GLS: variants seen among roughly 807,000 people sequenced by gnomAD.
The protein encoded by GLS is glutaminase kidney isoform, mitochondrial.
Under a neutral mutation model 86.7 loss-of-function variants are expected in GLS, and 36 were observed. That is an observed-to-expected ratio of 0.42 (90% CI 0.32 to 0.55). The LOEUF (loss-of-function observed/expected upper bound fraction) is 0.55, where lower values mean the gene tolerates loss of function less well. Ranked by LOEUF, GLS falls within the 20% of genes least tolerant of loss-of-function variation. The pLI is 0.17. For synonymous variants in GLS, 317 were observed against 305.9 expected, an observed-to-expected ratio of 1.04 and a Z score of -0.38; for missense variants, 528 against 833.4, an observed-to-expected ratio of 0.63 and a Z score of 4.51.
chr2:190,917,924 A>G (rs1001213288), intron 7 of GLS, among the ~76,000 whole-genome samples: 10 of 152,100 alleles, frequency 6.6e-5, no homozygotes, highest in African/African-American at 2.4e-4. Flanking sequence ...TCCCATCTCT[A>G]TTAAAAAACA....
chr2:190,890,136 G>T (rs111953927), intron 1 of GLS, among the ~76,000 whole-genome samples: 2,347 of 151,410 alleles, frequency 0.016, 61 homozygotes, highest in African/African-American at 0.052. Context: ...TGCTTGACTT[G>T]GATACTCTTA....
rs1266521442 is a variant in GLS at position 190,947,193 on chromosome 2, G to A, written c.1651-6372G>A. On this transcript the variant is annotated intron_variant, in intron 14 of 17. Transcript: ENST00000320717. The surrounding 1 kb of genome is among the most constrained non-coding windows in gnomAD (Gnocchi z 5.0). ...CAACCTTTAAACAAGCTCAAACTGA[G>A]TAGGATAATGATAGGATTAAAGACT... Among the ~76,000 whole-genome samples the A allele has an allele frequency of 6.6e-6, 1 of 152,176 alleles. No homozygotes were observed.
At chr2:190,960,888 GAC>G (rs1232503375) in intron 17 of GLS, among the ~76,000 whole-genome samples, 3 of 152,158 alleles carry the variant, frequency 2.0e-5, no homozygotes, top group Non-Finnish European at 4.4e-5. Context: ...ATGTTAGGTT[GAC>G]AGTCTTCTTC....
chr2:190,939,373 G>A (rs1690363030), intron 14 of GLS, among the ~76,000 whole-genome samples: 1 of 151,598 alleles, frequency 6.6e-6, no homozygotes, highest in Admixed American at 6.6e-5. Context: ...AAATATTATA[G>A]TATTGGTTTC....
intron 7 of GLS, among the ~76,000 whole-genome samples, chr2:190,912,344 T>C (rs1574585876): frequency 8.0e-6 from 1 of 124,980 alleles, no homozygotes; most frequent in South Asian, 2.9e-4. Flanking sequence ...GTTTCACAAG[T>C]GCTTTTTTTT....
intron 1 of GLS, among the ~76,000 whole-genome samples, chr2:190,884,767 C>A (rs1325953405): frequency 1.3e-5 from 2 of 152,168 alleles, no homozygotes; most frequent in Non-Finnish European, 2.9e-5. Flanking sequence ...ATAGATAATT[C>A]ATACAGGATG....
Position 190,881,458 on chromosome 2 carries a change from C to A in GLS, c.374C>A (p.Ala125Asp), listed in dbSNP as rs1217856984. Residue 125 changes from alanine to aspartate, a missense_variant, in exon 1 of 18, where the codon GCC (alanine) becomes GAC (aspartate). By Grantham distance (126) the Ala-to-Asp change is moderately radical. Around this residue, in one of 4 missense-constraint regions of GLS, gnomAD observed 224 missense variants for 187.9 expected, o/e 1.19. Transcript: ENST00000320717. The stretch of plus-strand genomic sequence containing the variant: ...AACAGCGAGGGCAAAGAGCTGGTGG[C>A]CTCAGGTGAAAAGTGAGTGTCTCCG... ...FGNSEGKELV[A>D]SGENKIKQGL... 6.5e-7 allele frequency: 1 copy of A among 1,541,490 alleles called. No homozygotes were observed. Among genetic ancestry groups the A allele is most frequent in the Non-Finnish European group, 8.7e-7 (1 of 1,143,062 alleles).
In GLS at chr2:190,880,871, GC is replaced by G; in HGVS notation, c.-213del. 2 of 704,438 alleles carry G rather than the reference GC, an allele frequency of 2.8e-6. No homozygotes were observed. The highest frequency in any genetic ancestry group is 1.6e-5 in the South Asian group (1 of 64,148). 43.6% of individuals were successfully genotyped at this position (704,438 alleles called of 1,614,324 possible). A position where few individuals can be genotyped will look rare whatever the true frequency, so the allele number is the denominator to read the frequency against. The stretch of plus-strand genomic sequence containing the variant: ...GAGAACCGGTCGCGGCAATCCTAGC[GC>G]GCAGCAGCAGCAGCAGCAGCAGCAG... On this transcript the variant is annotated 5_prime_UTR_variant, in exon 1 of 18. Coordinates refer to ENST00000320717, the MANE Select transcript of GLS (RefSeq NM_014905.5).
At chr2:190,927,862 T>C (rs73979305) in intron 12 of GLS, 3,905 of 160,254 alleles carry the variant, frequency 0.024, 168 homozygotes, top group African/African-American at 0.09. Flanking sequence ...CATAGCTGTT[T>C]TAAGGACTAA....
chr2:190,881,801 C>T (rs962715427), intron 1 of GLS: 11 of 238,020 alleles, frequency 4.6e-5, no homozygotes, highest in Non-Finnish European at 9.0e-5. Context: ...GCTCAGCTCC[C>T]TGGCTTGCGG....
At chr2:190,934,699 C>T in intron 14 of GLS, 1 of 970,450 alleles carries the variant, frequency 1.0e-6, no homozygotes. Flanking sequence ...ATATCGTATA[C>T]ATAGCTGTAT....
chr2:190,913,684 G>C lies in GLS; in HGVS notation c.1038+3363G>C. 1.0e-6 allele frequency: 1 copy of C among 971,830 alleles called. No individual in the cohort carries two copies. Among genetic ancestry groups the C allele is most frequent in the African/African-American group, 1.8e-5 (1 of 56,946 alleles). 60.2% of individuals were successfully genotyped at this position (971,830 alleles called of 1,614,324 possible). A position where few individuals can be genotyped will look rare whatever the true frequency, so the allele number is the denominator to read the frequency against. ...AGTTAAGATCTGGTGATAACTTAAG[G>C]GTTAGGATAGGAAAATGAGGACAAC... is the stretch of plus-strand genomic sequence containing the variant. On this transcript the variant is annotated intron_variant, in intron 7 of 17. Transcript: ENST00000320717. This position sits in a 1 kb window ranked among gnomAD's most constrained non-coding sequence, Gnocchi z 6.1.
intron 17 of GLS, among the ~76,000 whole-genome samples, chr2:190,958,049 G>C (rs777323182): frequency 6.6e-6 from 1 of 151,998 alleles, no homozygotes; most frequent in South Asian, 2.1e-4. Flanking sequence ...GACTTTTTTC[G>C]GTTGGTAGGC....
At chr2:190,926,432 C>A (rs1178529744) in intron 11 of GLS, among the ~76,000 whole-genome samples, 2 of 152,118 alleles carry the variant, frequency 1.3e-5, no homozygotes, top group African/African-American at 4.8e-5. Context: ...ATTTCCAAAC[C>A]CCTTTGTGCC....
At position 190,883,025 on chromosome 2, in the gene GLS, A is replaced by G. The variant is rs1688256973; in HGVS notation, c.386+1555A>G. ...TTTAAAAGTTCATCTTAAAGGCTAC[A>G]AGATGGGAACTGCATTCTAGTAAAA... On this transcript the variant is annotated intron_variant, in intron 1 of 17. Transcript: ENST00000320717. Among the ~76,000 whole-genome samples, 3 of 152,326 alleles carry G rather than the reference A, an allele frequency of 2.0e-5. No homozygotes were observed. In the South Asian group the frequency reaches 6.2e-4, roughly 32 times the overall value.
At chr2:190,883,024 C>A (rs1282408901) in intron 1 of GLS, among the ~76,000 whole-genome samples, 5 of 152,174 alleles carry the variant, frequency 3.3e-5, no homozygotes, top group African/African-American at 1.2e-4. Flanking sequence ...TTAAAGGCTA[C>A]AAGATGGGAA....
At position 190,880,835 on chromosome 2, in the gene GLS, G is replaced by A. The variant is rs903303106; in HGVS notation, c.-250G>A. 1.3e-6 allele frequency: 1 copy of A among 766,126 alleles called. No homozygotes were observed. The highest frequency in any genetic ancestry group is 1.5e-5 in the South Asian group (1 of 67,380). 47.5% of individuals were successfully genotyped at this position (766,126 alleles called of 1,614,324 possible). A position where few individuals can be genotyped will look rare whatever the true frequency, so the allele number is the denominator to read the frequency against. On this transcript the variant is annotated 5_prime_UTR_variant, in exon 1 of 18. Transcript: ENST00000320717. ...GCTTTAGCCTCAGTGCGGAGCCTTAGGCGGAGCGAAGAGAACCGGTCGCGG... is the reference window on the plus strand; with the variant it reads ...GCTTTAGCCTCAGTGCGGAGCCTTAAGCGGAGCGAAGAGAACCGGTCGCGG...
At chr2:190,885,789 T>C (rs550650216) in intron 1 of GLS, among the ~76,000 whole-genome samples, 3 of 152,178 alleles carry the variant, frequency 2.0e-5, no homozygotes, top group African/African-American at 7.2e-5. Context: ...CCCTTAGTTA[T>C]TTTTGATTTC....
chr2:190,927,693 C>CT (rs1689944792), intron 12 of GLS: 1 of 433,762 alleles, frequency 2.3e-6, no homozygotes, highest in African/African-American at 2.1e-5. Context: ...TTTATAGAAC[C>CT]TCATCCCTTC....
Sources: gnomAD v4.1 joint callset for allele counts (sites outside exome capture counted in the v4.1 genomes callset) on GRCh38, gnomAD v4.1.1 for gene constraint, gnomAD v4.1.1 regional missense constraint, Gnocchi (gnomAD v3.1) non-coding constraint, MANE v1.5 for transcripts, NCBI Gene and HGNC (gene_info 2026-07-23, HGNC 2026-07-21) for gene names.